Variants in ATP6V1F observed in about 807,000 individuals in gnomAD.
ATP6V1F encodes ATPase H+ transporting V1 subunit F.
ATP6V1F carries 4 observed loss-of-function variants against 6.6 expected under a neutral mutation model. That is an observed-to-expected ratio of 0.60 (90% confidence interval 0.30 to 1.38). ATP6V1F has a LOEUF of 1.38. Ranked by LOEUF, ATP6V1F falls within the 40% of genes most tolerant of loss-of-function variation. The probability of loss-of-function intolerance (pLI) is 0.08; values close to 1 mark genes in which losing one functional copy is unlikely to be tolerated. For synonymous variants in ATP6V1F, 68 were observed against 66.9 expected (o/e 1.02, Z -0.08); for missense variants, 136 against 165.5 (o/e 0.82, Z 0.98).
rs1011409083 is a variant in ATP6V1F at position 128,865,634 on chromosome 7, G to A, written c.*56G>A. ...CGTTTCCAGGCCTCTCCCCAGGCTT[G>A]CCATCAGCCTTCTTTACTTTTTGAG... On this transcript the variant is annotated 3_prime_UTR_variant, in exon 2 of 2. Coordinates refer to ENST00000249289, the MANE Select transcript of ATP6V1F (RefSeq NM_004231.4). The surrounding 1 kb of genome is among the most constrained non-coding windows in gnomAD (Gnocchi z 4.4). 7 of 1,524,642 alleles carry A rather than the reference G, an allele frequency of 4.6e-6. No individual in the cohort carries two copies. The Admixed American group carries it at 7.9e-5, about 17-fold the overall frequency. The allele number at this position is 1,524,642 out of a possible 1,614,324, so 94.4% of individuals were successfully genotyped here.
At chr7:128,863,110 A>C in intron 1 of ATP6V1F, 48 bp downstream of exon 1, 2 of 1,581,872 alleles carry the variant, frequency 1.3e-6, no homozygotes, top group Non-Finnish European at 8.6e-7. Context: ...TGCTCGGTGG[A>C]GTGCGGGGCG....
chr7:128,865,030 T>A lies in ATP6V1F; in HGVS notation c.159-347T>A. The A allele has an allele frequency of 9.0e-7, 1 of 1,112,096 alleles. No individual in the cohort carries two copies. The highest frequency in any genetic ancestry group is 1.3e-6 in the Non-Finnish European group (1 of 761,846). The allele number at this position is 1,112,096 out of a possible 1,614,324, so 68.9% of individuals were successfully genotyped here. A position where few individuals can be genotyped will look rare whatever the true frequency, so the allele number is the denominator to read the frequency against. On this transcript the variant is annotated intron_variant, in intron 1 of 1. Transcript: ENST00000249289. The surrounding 1 kb of genome is among the most constrained non-coding windows in gnomAD (Gnocchi z 4.4). ...CAGTATCTGCACATAAAAAGGGATCTGCATACATATAATCTTATCCTTCCC... is the reference window on the plus strand; with the variant it reads ...CAGTATCTGCACATAAAAAGGGATCAGCATACATATAATCTTATCCTTCCC...
rs202011602 is a variant in ATP6V1F at position 128,865,390 on chromosome 7, C to T, written c.172C>T (p.Arg58Trp). 3.1e-4 allele frequency: 502 copies of T among 1,613,950 alleles called. No homozygotes were observed. Among genetic ancestry groups the T allele is most frequent in the Non-Finnish European group, 1.9e-4 (228 of 1,180,014 alleles). Residue 58 changes from arginine (R) to tryptophan (W), a missense_variant, in exon 2 of 2, where the codon CGG becomes TGG. Transcript: ENST00000249289. This position sits in a 1 kb window ranked among gnomAD's most constrained non-coding sequence, Gnocchi z 4.4. ...IEDTFRQFLN[R>W]DDIGIILINQ... The stretch of plus-strand genomic sequence containing the variant: ...CTCTCCCCACAGGCAATTTCTAAAC[C>T]GGGATGACATTGGCATCATCCTCAT...
chr7:128,863,125 T>C, intron 1 of ATP6V1F, 63 bp downstream of exon 1: 2 of 1,559,034 alleles, frequency 1.3e-6, no homozygotes, highest in Non-Finnish European at 1.7e-6. Context: ...GGGGCGAGGC[T>C]GGAGGCTGCC....
chr7:128,863,156 A>AT, intron 1 of ATP6V1F, 94 bp downstream of exon 1: 1 of 1,466,916 alleles, frequency 6.8e-7, no homozygotes, highest in Non-Finnish European at 9.2e-7. Context: ...TGAGGGGACG[A>AT]TCCTGAAAGT....
At position 128,865,607 on chromosome 7, in the gene ATP6V1F, C is replaced by G. The variant is rs1325565564; in HGVS notation, c.*29C>G. On this transcript the variant is annotated 3_prime_UTR_variant, in exon 2 of 2. Transcript: ENST00000249289. The surrounding 1 kb of genome is among the most constrained non-coding windows in gnomAD (Gnocchi z 4.4). ...ACTCCTCATAGCCCTCAGCCCTTCC[C>G]TCGTTTCCAGGCCTCTCCCCAGGCT... The G allele has an allele frequency of 1.9e-6, 3 of 1,588,896 alleles. No individual in the cohort carries two copies. The highest frequency in any genetic ancestry group is 3.5e-5 in the Admixed American group (2 of 57,448).
At position 128,865,228 on chromosome 7, in the gene ATP6V1F, TG is replaced by T; in HGVS notation, c.159-147del. On this transcript the variant is annotated intron_variant, in intron 1 of 1. Coordinates refer to ENST00000249289, the MANE Select transcript of ATP6V1F (RefSeq NM_004231.4). This position sits in a 1 kb window ranked among gnomAD's most constrained non-coding sequence, Gnocchi z 4.4. ...GGTAGGGTTGACAGAGGGTTGAGCGTGGCAGCCTTTCCCCTTGTCCTCTGTG... is the reference window on the plus strand; with the variant it reads ...GGTAGGGTTGACAGAGGGTTGAGCGTGCAGCCTTTCCCCTTGTCCTCTGTG... 1 of 1,543,446 alleles carries T rather than the reference TG, an allele frequency of 6.5e-7. No homozygotes were observed. The highest frequency in any genetic ancestry group is 8.7e-7 in the Non-Finnish European group (1 of 1,146,782).
intron 1 of ATP6V1F, among the ~76,000 whole-genome samples, chr7:128,863,304 T>C (rs1809313532): frequency 6.6e-6 from 1 of 152,194 alleles, no homozygotes; most frequent in African/African-American, 2.4e-5. Context: ...ACAGAGCTCG[T>C]GACAGCCTAG....
intron 1 of ATP6V1F, among the ~76,000 whole-genome samples, 198 bp downstream of exon 1, chr7:128,863,260 A>G (rs1249336011): frequency 6.6e-6 from 1 of 151,888 alleles, no homozygotes; most frequent in Admixed American, 6.5e-5. Flanking sequence ...GAGCCCCCCC[A>G]CCTCACATGA....
At chr7:128,863,144 G>C (rs960141556) in intron 1 of ATP6V1F, 82 bp downstream of exon 1, 19 of 1,519,818 alleles carry the variant, frequency 1.3e-5, no homozygotes, top group Non-Finnish European at 1.7e-5. Flanking sequence ...CCCGGACGGG[G>C]GTGAGGGGAC....
In ATP6V1F at chr7:128,865,280, C is replaced by A; in HGVS notation, c.159-97C>A. ...CCCTCTGGGTCATGCTCATTCCCCTCCACAGCCCAGCCCAACAACTCGGAG... is the reference window on the plus strand; with the variant it reads ...CCCTCTGGGTCATGCTCATTCCCCTACACAGCCCAGCCCAACAACTCGGAG... On this transcript the variant is annotated intron_variant, in intron 1 of 1. Coordinates refer to ENST00000249289, the MANE Select transcript of ATP6V1F (RefSeq NM_004231.4). The surrounding 1 kb of genome is among the most constrained non-coding windows in gnomAD (Gnocchi z 4.4). The A allele has an allele frequency of 6.3e-7, 1 of 1,577,500 alleles. No homozygotes were observed. The highest frequency in any genetic ancestry group is 8.6e-7 in the Non-Finnish European group (1 of 1,157,490).
Position 128,865,649 on chromosome 7 carries a change from T to C in ATP6V1F, c.*71T>C. 2 of 1,470,210 alleles carry C rather than the reference T, an allele frequency of 1.4e-6. No homozygotes were observed. Among genetic ancestry groups the C allele is most frequent in the Non-Finnish European group, 1.8e-6 (2 of 1,088,190 alleles). 91.1% of individuals were successfully genotyped at this position (1,470,210 alleles called of 1,614,324 possible). A position where few individuals can be genotyped will look rare whatever the true frequency, so the allele number is the denominator to read the frequency against. ...CCCCAGGCTTGCCATCAGCCTTCTT[T>C]ACTTTTTGAGCCTCTGATTTCCAAT... On this transcript the variant is annotated 3_prime_UTR_variant, in exon 2 of 2. Coordinates refer to ENST00000249289, the MANE Select transcript of ATP6V1F (RefSeq NM_004231.4). The surrounding 1 kb of genome is among the most constrained non-coding windows in gnomAD (Gnocchi z 4.4).
chr7:128,865,012 T>C lies in ATP6V1F; in HGVS notation c.159-365T>C, dbSNP rs190139960. 1.0e-6 allele frequency: 1 copy of C among 984,872 alleles called. No homozygotes were observed. Among genetic ancestry groups the C allele is most frequent in the Non-Finnish European group, 1.5e-6 (1 of 650,464 alleles). The allele number at this position is 984,872 out of a possible 1,614,324, so 61.0% of individuals were successfully genotyped here. On this transcript the variant is annotated intron_variant, in intron 1 of 1. Transcript: ENST00000249289. The surrounding 1 kb of genome is among the most constrained non-coding windows in gnomAD (Gnocchi z 4.4). The stretch of plus-strand genomic sequence containing the variant: ...GCCATCACAGCTGGCCTTCAGTATC[T>C]GCACATAAAAAGGGATCTGCATACA...
In ATP6V1F at chr7:128,865,392, G is replaced by A; in HGVS notation, c.174G>A (p.Arg58=). 6.2e-7 allele frequency: 1 copy of A among 1,614,096 alleles called. No individual in the cohort carries two copies. The highest frequency in any genetic ancestry group is 1.1e-5 in the South Asian group (1 of 91,084). ...IEDTFRQFLN[R]DDIGIILINQ... is the part of the protein sequence containing the mutation. The stretch of plus-strand genomic sequence containing the variant: ...CTCCCCACAGGCAATTTCTAAACCG[G>A]GATGACATTGGCATCATCCTCATCA... Residue 58 remains arginine, a synonymous_variant, in exon 2 of 2, where the codon CGG becomes CGA. Coordinates refer to ENST00000249289, the MANE Select transcript of ATP6V1F (RefSeq NM_004231.4). This position sits in a 1 kb window ranked among gnomAD's most constrained non-coding sequence, Gnocchi z 4.4.
Position 128,865,097 on chromosome 7 carries a change from C to T in ATP6V1F, c.159-280C>T. On this transcript the variant is annotated intron_variant, in intron 1 of 1. Coordinates refer to ENST00000249289, the MANE Select transcript of ATP6V1F (RefSeq NM_004231.4). This position sits in a 1 kb window ranked among gnomAD's most constrained non-coding sequence, Gnocchi z 4.4. Reference sequence around the variant, plus strand: ...TGCATATTGAATACACCAGTGTGCACCCTAATCAATCTTCATTACCAGTTC... The same window carrying T: ...TGCATATTGAATACACCAGTGTGCATCCTAATCAATCTTCATTACCAGTTC... 2 of 1,526,288 alleles carry T rather than the reference C, an allele frequency of 1.3e-6. No homozygotes were observed. The highest frequency in any genetic ancestry group is 1.4e-5 in the African/African-American group (1 of 72,956). 94.5% of individuals were successfully genotyped at this position (1,526,288 alleles called of 1,614,324 possible).
rs374713383 is a variant in ATP6V1F, at chr7:128,862,895, G to C, written c.-10G>C. Reference sequence around the variant, plus strand: ...TGGTGCTCTAGGGTGAGCTCTGCCCGGCTGCAGGGATGGCGGGGAGGGGTA... The same window carrying C: ...TGGTGCTCTAGGGTGAGCTCTGCCCCGCTGCAGGGATGGCGGGGAGGGGTA... On this transcript the variant is annotated 5_prime_UTR_variant, in exon 1 of 2. Coordinates refer to ENST00000249289, the MANE Select transcript of ATP6V1F (RefSeq NM_004231.4). 5.7e-6 allele frequency: 9 copies of C among 1,587,806 alleles called. No homozygotes were observed. The highest frequency in any genetic ancestry group is 2.3e-5 in the South Asian group (2 of 87,978).
Position 128,862,986 on chromosome 7 carries a change from C to T in ATP6V1F, c.82C>T (p.Leu28Phe), listed in dbSNP as rs1359680204. 1 of 1,613,576 alleles carries T rather than the reference C, an allele frequency of 6.2e-7. No homozygotes were observed. The highest frequency in any genetic ancestry group is 1.1e-5 in the South Asian group (1 of 90,944). ...TTTCCTGCTGGGCGGCATAGGGGAG[C>T]TTAACAAGAACCGCCATCCCAATTT... Reference protein sequence around the residue: ...TGFLLGGIGELNKNRHPNFLV... With the variant: ...TGFLLGGIGEFNKNRHPNFLV... The change falls in exon 1 of 2, where the codon CTT becomes TTT. Residue 28 changes from leucine to phenylalanine, a missense_variant. Leu to Phe is a conservative substitution (Grantham distance 22). Coordinates refer to ENST00000249289, the MANE Select transcript of ATP6V1F (RefSeq NM_004231.4).
chr7:128,864,146 C>T (rs905210412), intron 1 of ATP6V1F, among the ~76,000 whole-genome samples: 3 of 152,124 alleles, frequency 2.0e-5, no homozygotes, highest in Non-Finnish European at 4.4e-5. Flanking sequence ...GAGTTTGAGA[C>T]TAGCCTGACC....
At position 128,865,307 on chromosome 7, in the gene ATP6V1F, G is replaced by T; in HGVS notation, c.159-70G>T. 1 of 1,599,324 alleles carries T rather than the reference G, an allele frequency of 6.3e-7. No individual in the cohort carries two copies. Among genetic ancestry groups the T allele is most frequent in the East Asian group, 2.2e-5 (1 of 44,692 alleles). ...ACAGCCCAGCCCAACAACTCGGAGA[G>T]GGCTGCCTGGGTAGGAGAGACGGCA... On this transcript the variant is annotated intron_variant, in intron 1 of 1. Coordinates refer to ENST00000249289, the MANE Select transcript of ATP6V1F (RefSeq NM_004231.4). The surrounding 1 kb of genome is among the most constrained non-coding windows in gnomAD (Gnocchi z 4.4).
Sources: allele counts gnomAD v4.1 joint callset (sites outside exome capture counted in the v4.1 genomes callset), GRCh38; gene constraint gnomAD v4.1.1; non-coding constraint Gnocchi (gnomAD v3.1); transcripts MANE v1.5; gene names NCBI Gene and HGNC (gene_info 2026-07-23, HGNC 2026-07-21).